KYAT3: variants seen among roughly 807,000 people sequenced by gnomAD.
KYAT3 encodes the protein kynurenine--oxoglutarate transaminase 3.
A neutral mutation model predicts 59.0 loss-of-function variants in KYAT3; 50 were observed. The observed-to-expected ratio is 0.85, with a 90% CI of 0.68 to 1.07. The LOEUF is 1.07. KYAT3 is among the 50% of genes least tolerant of loss of function. The pLI is 0.00. For synonymous variants in KYAT3, 148 were observed against 177.0 expected, an observed-to-expected ratio of 0.84 and a Z score of 1.30; for missense variants, 497 against 533.3, an observed-to-expected ratio of 0.93 and a Z score of 0.67.
intron 10 of KYAT3, 67 bp from the exon 11 acceptor site, chr1:88,949,344 G>T: frequency 1.7e-6 from 2 of 1,149,026 alleles, no homozygotes; most frequent in Non-Finnish European, 2.4e-6. Flanking sequence ...TAGTTTATTG[G>T]TATAATAAAT....
At chr1:88,942,860 C>A (rs1675292621) in intron 13 of KYAT3, 145 bp downstream of exon 13, 2 of 649,664 alleles carry the variant, frequency 3.1e-6, no homozygotes, top group East Asian at 5.4e-5. Context: ...CCACGCCCAG[C>A]CAGTAAGCAG....
intron 2 of KYAT3, chr1:88,983,906 C>T (rs941274586): frequency 6.4e-7 from 1 of 1,559,066 alleles, no homozygotes; most frequent in Non-Finnish European, 8.8e-7. Flanking sequence ...TTCCTAGCAG[C>T]TCAGCACCAG....
chr1:88,930,106 G>A, the KYAT3 span, among the ~76,000 whole-genome samples: 5 of 152,200 alleles, frequency 3.3e-5, no homozygotes, highest in African/African-American at 1.2e-4. Context: ...GGATCAGCTT[G>A]TAATCTGTGG....
chr1:88,968,945 T>A, intron 3 of KYAT3, 131 bp from the exon 4 acceptor site: 1 of 644,892 alleles, frequency 1.6e-6, no homozygotes, highest in Non-Finnish European at 2.5e-6. Context: ...AAAAAATGAG[T>A]TTCCAACAAA....
chr1:88,942,770 T>C (rs1334758261), intron 13 of KYAT3, among the ~76,000 whole-genome samples: 1 of 151,888 alleles, frequency 6.6e-6, no homozygotes, highest in Non-Finnish European at 1.5e-5. Context: ...CACTGTGTTA[T>C]CCAGGATGAT....
intron 5 of KYAT3, among the ~76,000 whole-genome samples, chr1:88,962,376 T>A (rs568277772): frequency 6.6e-4 from 101 of 152,322 alleles, no homozygotes; most frequent in African/African-American, 2.3e-3. Flanking sequence ...TAAATAAGCA[T>A]GCAGTGGGAG....
downstream of KYAT3, among the ~76,000 whole-genome samples, chr1:88,930,955 A>AC (rs1674894969): frequency 6.6e-6 from 1 of 152,124 alleles, no homozygotes; most frequent in African/African-American, 2.4e-5. Context: ...TTATAGAAGG[A>AC]CCCCTAGTGT....
At chr1:88,940,633 C>T (rs1675200667) in intron 13 of KYAT3, among the ~76,000 whole-genome samples, 2 of 152,268 alleles carry the variant, frequency 1.3e-5, no homozygotes, top group African/African-American at 4.8e-5. Context: ...ACAGTTCTTA[C>T]CAAATAATTA....
chr1:88,990,613 G>T (rs574154378), intron 1 of KYAT3, among the ~76,000 whole-genome samples: 1 of 151,992 alleles, frequency 6.6e-6, no homozygotes, highest in South Asian at 2.1e-4. Flanking sequence ...CCCACAATCC[G>T]CCATTGAATG....
chr1:88,923,856 G>A, the KYAT3 span: 2 of 174,662 alleles, frequency 1.1e-5, no homozygotes, highest in Non-Finnish European at 2.5e-5. Context: ...TGCGATGGCT[G>A]CTCAGTCTTG....
At chr1:88,977,392 G>A (rs535637608) in intron 2 of KYAT3, among the ~76,000 whole-genome samples, 18 of 152,140 alleles carry the variant, frequency 1.2e-4, no homozygotes, top group Non-Finnish European at 2.5e-4. Flanking sequence ...AATAGAGATG[G>A]GGTTTCACCA....
At chr1:88,933,184 C>T (rs1293927797), downstream of KYAT3, among the ~76,000 whole-genome samples, 2 of 152,144 alleles carry the variant, frequency 1.3e-5, no homozygotes, top group Non-Finnish European at 2.9e-5. Flanking sequence ...TTTCTTCATA[C>T]AATTAGGTAT....
At chr1:88,977,506 T>C (rs1358376821) in intron 2 of KYAT3, among the ~76,000 whole-genome samples, 1 of 151,976 alleles carries the variant, frequency 6.6e-6, no homozygotes. Context: ...CCTTCCTTTA[T>C]TTTTGTACTT....
intron 1 of KYAT3, 49 bp from the exon 2 acceptor site, chr1:88,988,400 A>T (rs1677595839): frequency 1.9e-6 from 2 of 1,063,358 alleles, no homozygotes; most frequent in Non-Finnish European, 2.9e-6. Context: ...TATGATGGGT[A>T]CATCACTATC....
intron 2 of KYAT3, among the ~76,000 whole-genome samples, chr1:88,974,949 G>C (rs191073173): frequency 6.6e-6 from 1 of 152,274 alleles, no homozygotes; most frequent in South Asian, 2.1e-4. Context: ...AATAAAGGCC[G>C]GCCACGTGAG....
downstream of KYAT3, among the ~76,000 whole-genome samples, chr1:88,931,230 T>G (rs1674900850): frequency 6.6e-6 from 1 of 152,180 alleles, no homozygotes; most frequent in Non-Finnish European, 1.5e-5. Context: ...TCAGGGCCTG[T>G]GAAGTGTGGC....
chr1:88,974,180 T>C (rs1676669587), intron 2 of KYAT3, among the ~76,000 whole-genome samples: 3 of 152,180 alleles, frequency 2.0e-5, no homozygotes, highest in Non-Finnish European at 4.4e-5. Context: ...GGCACCCTTT[T>C]CATGGGGGGC....
At chr1:88,947,122 A>G (rs1050498407) in intron 11 of KYAT3, among the ~76,000 whole-genome samples, 6 of 152,032 alleles carry the variant, frequency 3.9e-5, no homozygotes, top group African/African-American at 1.4e-4. Flanking sequence ...GCTAGATACA[A>G]CCTACTTGAC....
At chr1:88,928,367 C>T in the KYAT3 span, among the ~76,000 whole-genome samples, 22 of 150,628 alleles carry the variant, frequency 1.5e-4, no homozygotes, top group South Asian at 1.5e-3. Flanking sequence ...TCAGGAGGAA[C>T]GGGACAAACG....
Sources: gnomAD v4.1 joint callset for allele counts (sites outside exome capture counted in the v4.1 genomes callset) on GRCh38, gnomAD v4.1.1 for gene constraint, MANE v1.5 for transcripts, NCBI Gene and HGNC (gene_info 2026-07-23, HGNC 2026-07-21) for gene names.